The following EP400 variants were observed in gnomAD, a reference collection of about 807,000 sequenced individuals.
The protein encoded by EP400 is E1A-binding protein p400.
In EP400, 105 loss-of-function variants were observed where a neutral mutation model predicts 354.1. The observed-to-expected ratio is 0.30, with a 90% CI of 0.25 to 0.35. The LOEUF is 0.35. Among genes scored for constraint, EP400 ranks in the 10% least tolerant of loss-of-function variants. EP400 has a pLI of 1.00. For missense variants in EP400, 3,280 were observed against 4,121.0 expected (o/e 0.80, Z 5.59); for synonymous variants, 1,646 against 1,716.9 (o/e 0.96, Z 1.02).
chr12:132,063,924 C>T (rs1041981844), intron 47 of EP400, among the ~76,000 whole-genome samples: 3 of 152,164 alleles, frequency 2.0e-5, no homozygotes, highest in Non-Finnish European at 4.4e-5. Flanking sequence ...AGTCCCAGGC[C>T]CAGCAGAGGC....
intron 24 of EP400, 58 bp downstream of exon 24, chr12:132,023,999 A>T (rs1270731400): frequency 2.2e-5 from 33 of 1,479,798 alleles, no homozygotes; most frequent in Non-Finnish European, 1.8e-5. Flanking sequence ...CCTCACCATG[A>T]GCCCTGCTGC....
chr12:132,029,384 T>A lies in EP400; in HGVS notation c.5382-317T>A, dbSNP rs562380384. On this transcript the variant is annotated intron_variant, in intron 27 of 52. Transcript: ENST00000389561. The surrounding 1 kb of genome is among the most constrained non-coding windows in gnomAD (Gnocchi z 4.7). ...GCACCTTTGTCCCAAAGTTTCCAGC[T>A]GAAGACACACTAGAAAGAGAATGGC... 3 of 419,968 alleles carry A rather than the reference T, an allele frequency of 7.1e-6. No individual in the cohort carries two copies. In the East Asian group the frequency reaches 1.2e-4, roughly 17 times the overall value. The allele number at this position is 419,968 out of a possible 1,614,324, so 26.0% of individuals were successfully genotyped here.
rs147503869 is a variant in EP400, at chr12:131,982,452, G to C, written c.1903G>C (p.Ala635Pro). Residue 635 changes from alanine (A) to proline (P), a missense_variant, in exon 5 of 53, where the codon GCC becomes CCC. By Grantham distance (27) the Ala-to-Pro change is conservative (BLOSUM62 -1). Transcript: ENST00000389561. ...VPTPGKVQVQ[A>P]SQLSSLPQMV... ...CACACCTGGAAAGGTGCAGGTGCAG[G>C]CCTCTCAGCTTTCCTCCCTGCCACA... 8.8e-5 allele frequency: 142 copies of C among 1,608,452 alleles called. No individual in the cohort carries two copies. Among genetic ancestry groups the C allele is most frequent in the Non-Finnish European group, 1.1e-4 (131 of 1,175,618 alleles).
At position 131,995,170 on chromosome 12, in the gene EP400, C is replaced by T. The variant is rs568515634; in HGVS notation, c.2827+214C>T. Among the ~76,000 whole-genome samples, 20 of 152,344 alleles carry T rather than the reference C, an allele frequency of 1.3e-4. No individual in the cohort carries two copies. The South Asian group carries it at 4.1e-3, about 32-fold the overall frequency. On this transcript the variant is annotated intron_variant, in intron 12 of 52. Coordinates refer to ENST00000389561, the MANE Select transcript of EP400 (RefSeq NM_015409.5). ...ACACTGCCCTGACTGTCTTTCTTCCCTGCCACCTGCGTGTGTCTCCCTGAA... is the reference window on the plus strand; with the variant it reads ...ACACTGCCCTGACTGTCTTTCTTCCTTGCCACCTGCGTGTGTCTCCCTGAA...
intron 2 of EP400, among the ~76,000 whole-genome samples, chr12:131,978,560 G>T (rs1892561604): frequency 6.6e-6 from 1 of 152,006 alleles, no homozygotes; most frequent in South Asian, 2.1e-4. Context: ...TTGTTGCCCA[G>T]GCTGGAATGC....
In EP400 at chr12:132,062,310, C is replaced by G. The variant is rs750958741; in HGVS notation, c.8085C>G (p.Pro2695=). ...AGACCCCGGCACGGTCTTTGGTGCC[C>G]CAAGTGTCCCAAGGTAAAGCCAGGC... is the stretch of plus-strand genomic sequence containing the variant. The part of the protein sequence containing the change: ...PVQTPARSLV[P]QVSQATGVQL... The change falls in exon 46 of 53, where the codon CCC becomes CCG. Residue 2695 remains proline (P), a synonymous_variant. Transcript: ENST00000389561. 3.7e-6 allele frequency: 6 copies of G among 1,614,074 alleles called. No homozygotes were observed. In the African/African-American group the frequency reaches 8.0e-5, roughly 22 times the overall value.
Position 132,032,013 on chromosome 12 carries a change from A to T in EP400, c.5815A>T (p.Ser1939Cys). 6.2e-7 allele frequency: 1 copy of T among 1,614,198 alleles called. No homozygotes were observed. Among genetic ancestry groups the T allele is most frequent in the Non-Finnish European group, 8.5e-7 (1 of 1,180,014 alleles). The stretch of plus-strand genomic sequence containing the variant: ...TTTTTGTGCCATTCTCTCCACTCAC[A>T]GCCGTACCACAGGTATAAACCTTGT... ...RIFCAILSTH[S>C]RTTGINLVEA... The change falls in exon 30 of 53, where the codon AGC (serine) becomes TGC (cysteine). Residue 1939 changes from serine (S) to cysteine (C), a missense_variant. Ser to Cys is a moderately radical substitution (Grantham distance 112). This residue lies in a region of EP400 where 459 missense variants were observed against 496.9 expected (regional missense o/e 0.92). Transcript: ENST00000389561.
chr12:131,960,705 C>T lies in EP400; in HGVS notation c.86C>T (p.Pro29Leu), dbSNP rs773319689. 24 of 1,547,402 alleles carry T rather than the reference C, an allele frequency of 1.6e-5. No individual in the cohort carries two copies. Among genetic ancestry groups the T allele is most frequent in the African/African-American group, 7.0e-5 (5 of 71,882 alleles). ...ACPGSEGEEQ[P>L]AHPNPPPSPA... ...CCTGGCAGCGAGGGTGAGGAGCAGC[C>T]GGCCCACCCCAACCCACCCCCGTCC... is the stretch of plus-strand genomic sequence containing the variant. Residue 29 changes from proline to leucine, a missense_variant, in exon 2 of 53, where the codon CCG becomes CTG. This residue lies in a region of EP400 where 172 missense variants were observed against 242.9 expected (regional missense o/e 0.71). Coordinates refer to ENST00000389561, the MANE Select transcript of EP400 (RefSeq NM_015409.5).
At chr12:132,065,315 G>C in intron 48 of EP400, 1 of 195,380 alleles carries the variant, frequency 5.1e-6, no homozygotes, top group East Asian at 1.2e-4. Flanking sequence ...AGCATTTGGA[G>C]ATTTCAGAAG....
chr12:132,015,476 A>G (rs2136535785), intron 19 of EP400, among the ~76,000 whole-genome samples: 1 of 152,336 alleles, frequency 6.6e-6, no homozygotes, highest in South Asian at 2.1e-4. Flanking sequence ...CTATCAGGGA[A>G]GTCACGTTGA....
Position 132,028,168 on chromosome 12 carries a change from A to G in EP400, c.5261A>G (p.Asp1754Gly). 2 of 1,614,112 alleles carry G rather than the reference A, an allele frequency of 1.2e-6. No individual in the cohort carries two copies. The highest frequency in any genetic ancestry group is 1.7e-6 in the Non-Finnish European group (2 of 1,180,016). Residue 1754 changes from aspartate (D) to glycine (G), a missense_variant, in exon 27 of 53, where the codon GAT (aspartate) becomes GGT (glycine). Coordinates refer to ENST00000389561, the MANE Select transcript of EP400 (RefSeq NM_015409.5). The stretch of plus-strand genomic sequence containing the variant: ...AGGGTACAGTGGCGTGGGTCCCTGG[A>G]TGGCCGTCGTGGGAAGGAGGCCGGG... ...HGRVQWRGSL[D>G]GRRGKEAGPA...
In EP400 at chr12:132,030,084, T is replaced by G; in HGVS notation, c.5680T>G (p.Leu1894Val). ...LSQMILMLDI[L>V]EMFLNFHYLT... ...ACAGATGATTCTTATGTTGGACATT[T>G]TAGAGATGTTCTTGAACTTCCATTA... The change falls in exon 29 of 53, where the codon TTA (leucine) becomes GTA (valine). Residue 1894 changes from leucine to valine, a missense_variant. Physicochemically the swap from Leu to Val is conservative, Grantham distance 32 (BLOSUM62 1). Around this residue, in one of 20 missense-constraint regions of EP400, gnomAD observed 459 missense variants for 496.9 expected, o/e 0.92. Coordinates refer to ENST00000389561, the MANE Select transcript of EP400 (RefSeq NM_015409.5). 6.2e-7 allele frequency: 1 copy of G among 1,614,242 alleles called. No homozygotes were observed.
rs1229935775 is a variant in EP400, at chr12:132,017,493, C to T, written c.3924-42C>T. Reference sequence around the variant, plus strand: ...GTGAGGGTGGGACTATGTCCATGTGCCGTTTGGATTGAATGCTTCGTGTTT... The same window carrying T: ...GTGAGGGTGGGACTATGTCCATGTGTCGTTTGGATTGAATGCTTCGTGTTT... On this transcript the variant is annotated intron_variant, in intron 19 of 52. Coordinates refer to ENST00000389561, the MANE Select transcript of EP400 (RefSeq NM_015409.5). This position sits in a 1 kb window ranked among gnomAD's most constrained non-coding sequence, Gnocchi z 5.0. 6.2e-7 allele frequency: 1 copy of T among 1,601,560 alleles called. No homozygotes were observed. The highest frequency in any genetic ancestry group is 2.2e-5 in the East Asian group (1 of 44,734).
rs1896284148 is a variant in EP400, at chr12:132,077,858, G to T, written c.*185G>T. 2 of 797,632 alleles carry T rather than the reference G, an allele frequency of 2.5e-6. No homozygotes were observed. Among genetic ancestry groups the T allele is most frequent in the Non-Finnish European group, 3.8e-6 (2 of 520,920 alleles). 49.4% of individuals were successfully genotyped at this position (797,632 alleles called of 1,614,324 possible). On this transcript the variant is annotated 3_prime_UTR_variant, in exon 53 of 53. Transcript: ENST00000389561. The stretch of plus-strand genomic sequence containing the variant: ...CACTGCAGGACAAATGGTCCTTATG[G>T]AGTGCCGCGTTCTCTGTACTACGTG...
At chr12:132,065,188 C>T in intron 48 of EP400, 1 of 504,812 alleles carries the variant, frequency 2.0e-6, no homozygotes, top group Non-Finnish European at 3.6e-6. Context: ...TGCTGAGGGA[C>T]CCTGCAGGGA....
rs1895917616 is a variant in EP400, at chr12:132,067,109, C to T, written c.8749+140C>T. 2.5e-6 allele frequency: 3 copies of T among 1,208,512 alleles called. No homozygotes were observed. Among genetic ancestry groups the T allele is most frequent in the East Asian group, 5.3e-5 (2 of 37,638 alleles). 74.9% of individuals were successfully genotyped at this position (1,208,512 alleles called of 1,614,324 possible). ...GTGCCATCACGTGTTCTAGCACAAA[C>T]GTGCCTTGGCGCTTTCCAGGCGCAA... On this transcript the variant is annotated intron_variant, in intron 49 of 52. Coordinates refer to ENST00000389561, the MANE Select transcript of EP400 (RefSeq NM_015409.5). This position sits in a 1 kb window ranked among gnomAD's most constrained non-coding sequence, Gnocchi z 5.3.
At chr12:131,983,942 C>T (rs901658387) in intron 5 of EP400, among the ~76,000 whole-genome samples, 1 of 151,990 alleles carries the variant, frequency 6.6e-6, no homozygotes, top group African/African-American at 2.4e-5. Flanking sequence ...GCTCTTGTTA[C>T]CCAGGCTGGA....
At position 132,067,784 on chromosome 12, in the gene EP400, CA is replaced by C. The variant is rs1480098436; in HGVS notation, c.8874+299del. On this transcript the variant is annotated intron_variant, in intron 50 of 52. Coordinates refer to ENST00000389561, the MANE Select transcript of EP400 (RefSeq NM_015409.5). This position sits in a 1 kb window ranked among gnomAD's most constrained non-coding sequence, Gnocchi z 5.3. ...AGCCTGCATGGCATTGGGACAGACA[CA>C]GGGGGTGCAATTGCATGATGGGGGC... Among the ~76,000 whole-genome samples, 1 of 148,286 alleles carries C rather than the reference CA, an allele frequency of 6.7e-6. No homozygotes were observed. Among genetic ancestry groups the C allele is most frequent in the African/African-American group, 2.5e-5 (1 of 39,852 alleles).
intron 32 of EP400, among the ~76,000 whole-genome samples, chr12:132,040,868 A>G (rs929124314): frequency 2.6e-5 from 4 of 152,196 alleles, no homozygotes; most frequent in African/African-American, 9.7e-5. Context: ...GCATCACCTA[A>G]GAGAGTCGCT....
Sources: allele counts gnomAD v4.1 joint callset (sites outside exome capture counted in the v4.1 genomes callset), GRCh38; gene constraint gnomAD v4.1.1; regional missense constraint gnomAD v4.1.1; non-coding constraint Gnocchi (gnomAD v3.1); transcripts MANE v1.5; gene names NCBI Gene and HGNC (gene_info 2026-07-23, HGNC 2026-07-21).